The following NCOA2 variants were observed in gnomAD, a reference collection of about 807,000 sequenced individuals.
NCOA2 encodes the protein class E basic helix-loop-helix protein 75.
A neutral mutation model predicts 145.1 loss-of-function variants in NCOA2; 21 were observed. The ratio of observed to expected loss-of-function variants is 0.14; its 90% CI spans 0.10 to 0.21. NCOA2 has a LOEUF of 0.21. Among genes scored for constraint, NCOA2 ranks in the 10% least tolerant of loss-of-function variants. The probability of loss-of-function intolerance (pLI) is 1.00; values close to 1 mark genes in which losing one functional copy is unlikely to be tolerated. For missense variants in NCOA2, 1,472 were observed against 1,837.6 expected (o/e 0.80, Z 3.64); for synonymous variants, 619 against 637.5 (o/e 0.97, Z 0.44).
Position 70,157,073 on chromosome 8 carries a change from T to C in NCOA2, c.1292A>G (p.Lys431Arg), listed in dbSNP as rs1398725846. 6 of 1,613,910 alleles carry C rather than the reference T, an allele frequency of 3.7e-6. No individual in the cohort carries two copies. Among genetic ancestry groups the C allele is most frequent in the Non-Finnish European group, 5.1e-6 (6 of 1,179,896 alleles). Residue 431 changes from lysine to arginine, a missense_variant, in exon 11 of 23, where the codon AAG becomes AGG. Around this residue, in one of 4 missense-constraint regions of NCOA2, gnomAD observed 953 missense variants for 1,062.1 expected, o/e 0.90. Coordinates refer to ENST00000452400, the MANE Select transcript of NCOA2 (RefSeq NM_006540.4). Reference sequence around the variant, plus strand: ...GCCCATGGGCATGCCCATTTGTTCCTTTGGGCCATTTATGGGAAAATTTAT... The same window carrying C: ...GCCCATGGGCATGCCCATTTGTTCCCTTGGGCCATTTATGGGAAAATTTAT... The part of the protein sequence containing the change: ...SNINFPINGP[K>R]EQMGMPMGRF...
chr8:70,173,473 G>T (rs1416370654), intron 5 of NCOA2, among the ~76,000 whole-genome samples: 1 of 152,086 alleles, frequency 6.6e-6, no homozygotes, highest in Non-Finnish European at 1.5e-5. Context: ...AATTCTAAAT[G>T]GTCCACCTAG....
chr8:70,408,079 A>G (rs9693567), upstream of NCOA2, among the ~76,000 whole-genome samples: 4,034 of 152,194 alleles, frequency 0.027, 165 homozygotes, highest in African/African-American at 0.092. Flanking sequence ...AAAAACAAAT[A>G]TTAATACACC....
intron 17 of NCOA2, 40 bp from the exon 18 acceptor site, chr8:70,128,550 G>T (rs1158360538): frequency 1.9e-6 from 3 of 1,598,344 alleles, no homozygotes; most frequent in Admixed American, 1.7e-5. Context: ...TTTAAGAACA[G>T]AATACATTTT....
At chr8:70,266,542 T>C (rs1824610085) in intron 2 of NCOA2, among the ~76,000 whole-genome samples, 2 of 152,204 alleles carry the variant, frequency 1.3e-5, no homozygotes, top group Admixed American at 6.5e-5. Context: ...AACTGCTCTA[T>C]TCAAAGCCCT....
At chr8:70,408,386 A>T (rs1023382718), upstream of NCOA2, among the ~76,000 whole-genome samples, 3 of 152,252 alleles carry the variant, frequency 2.0e-5, no homozygotes, top group Non-Finnish European at 4.4e-5. Flanking sequence ...TGAAAATTTT[A>T]AAATGCCATT....
intron 21 of NCOA2, 40 bp downstream of exon 21, chr8:70,123,844 T>C: frequency 5.9e-6 from 9 of 1,515,258 alleles, no homozygotes; most frequent in Non-Finnish European, 8.0e-6. Flanking sequence ...AAAAAAGCCG[T>C]GATATGAAGC....
chr8:70,414,683 C>T, the NCOA2 span, among the ~76,000 whole-genome samples: 14 of 152,294 alleles, frequency 9.2e-5, no homozygotes, highest in Middle Eastern at 3.4e-3. Context: ...ATTTAGGCTC[C>T]TCGAAAATCT....
chr8:70,266,412 T>C (rs951750455), intron 2 of NCOA2, among the ~76,000 whole-genome samples: 7 of 152,226 alleles, frequency 4.6e-5, no homozygotes, highest in Non-Finnish European at 1.0e-4. Context: ...ACAGCAGCCA[T>C]TGCTGAACAA....
chr8:70,186,911 T>A (rs543645905), intron 4 of NCOA2, among the ~76,000 whole-genome samples: 1 of 152,344 alleles, frequency 6.6e-6, no homozygotes, highest in African/African-American at 2.4e-5. Flanking sequence ...CTGTCAAATA[T>A]CCATTCAATA....
chr8:70,417,718 T>C, the NCOA2 span, among the ~76,000 whole-genome samples: 5 of 152,186 alleles, frequency 3.3e-5, no homozygotes. Context: ...AAGCCATTAG[T>C]AGTTGTGCCT....
intron 11 of NCOA2, among the ~76,000 whole-genome samples, chr8:70,155,573 A>G (rs1364692326): frequency 6.6e-6 from 1 of 152,120 alleles, no homozygotes; most frequent in Non-Finnish European, 1.5e-5. Context: ...ATATTTTGTG[A>G]CACATGATAA....
chr8:70,130,061 TC>T (rs762817237), intron 16 of NCOA2, among the ~76,000 whole-genome samples: 1 of 152,182 alleles, frequency 6.6e-6, no homozygotes. Flanking sequence ...TGAGCTCTGA[TC>T]AGCACAGCCC....
intron 5 of NCOA2, among the ~76,000 whole-genome samples, chr8:70,172,332 G>C (rs1163719097): frequency 6.6e-6 from 1 of 150,696 alleles, no homozygotes; most frequent in Admixed American, 6.6e-5. Context: ...GATGGGGCCT[G>C]AAGTGTTTAC....
intron 1 of NCOA2, among the ~76,000 whole-genome samples, chr8:70,342,852 A>AT (rs938661276): frequency 2.1e-4 from 31 of 145,792 alleles, no homozygotes; most frequent in East Asian, 1.6e-3. Flanking sequence ...CTCTCCTGGA[A>AT]TTTTTTTTTT....
At chr8:70,166,431 CA>C (rs1204486775) in intron 7 of NCOA2, 134 bp downstream of exon 7, 2 of 1,061,984 alleles carry the variant, frequency 1.9e-6, no homozygotes, top group Admixed American at 4.3e-5. Context: ...ATTTCCATCA[CA>C]AAACAGTAAA....
intron 5 of NCOA2, among the ~76,000 whole-genome samples, chr8:70,173,354 T>C (rs1442605418): frequency 2.0e-5 from 3 of 152,132 alleles, no homozygotes; most frequent in Admixed American, 1.3e-4. Flanking sequence ...TAAACACATG[T>C]ATAGGGAAAT....
At chr8:70,151,723 T>C (rs1811772395) in intron 11 of NCOA2, among the ~76,000 whole-genome samples, 1 of 152,222 alleles carries the variant, frequency 6.6e-6, no homozygotes, top group African/African-American at 2.4e-5. Flanking sequence ...TATGAAGTTT[T>C]CCCAACTAGA....
chr8:70,417,149 T>C, the NCOA2 span, among the ~76,000 whole-genome samples: 1 of 149,514 alleles, frequency 6.7e-6, no homozygotes, highest in Non-Finnish European at 1.5e-5. Flanking sequence ...GGCTCATGCT[T>C]ATAATCCCAG....
intron 2 of NCOA2, among the ~76,000 whole-genome samples, chr8:70,262,315 G>A (rs1482233910): frequency 6.6e-6 from 1 of 152,118 alleles, no homozygotes; most frequent in East Asian, 1.9e-4. Context: ...CATATTTACT[G>A]TACTAACTTT....
Sources: allele counts gnomAD v4.1 joint callset (sites outside exome capture counted in the v4.1 genomes callset), GRCh38; gene constraint gnomAD v4.1.1; regional missense constraint gnomAD v4.1.1; transcripts MANE v1.5; gene names NCBI Gene and HGNC (gene_info 2026-07-23, HGNC 2026-07-21).